RAB3B: variants seen among roughly 807,000 people sequenced by gnomAD.
The protein encoded by RAB3B is ras-related protein Rab-3B.
A neutral mutation model predicts 20.5 loss-of-function variants in RAB3B; 11 were observed. That is an observed-to-expected ratio of 0.54 (90% CI 0.34 to 0.89). The LOEUF (loss-of-function observed/expected upper bound fraction) is 0.89, where lower values mean the gene tolerates loss of function less well. Among genes scored for constraint, RAB3B ranks in the 40% least tolerant of loss-of-function variants. The pLI is 0.02. For synonymous variants in RAB3B, 99 were observed against 106.3 expected, an observed-to-expected ratio of 0.93 and a Z score of 0.42; for missense variants, 225 against 280.9, an observed-to-expected ratio of 0.80 and a Z score of 1.42.
At chr1:51,980,827 G>A (rs1685077856) in intron 1 of RAB3B, 1 of 739,008 alleles carries the variant, frequency 1.4e-6, no homozygotes, top group Non-Finnish European at 2.5e-6. Context: ...GTAAGGAGCT[G>A]AGTCCTTAAA....
At position 51,919,741 on chromosome 1, in the gene RAB3B, G is replaced by T. The variant is rs1176068674; in HGVS notation, c.*186C>A. On this transcript the variant is annotated 3_prime_UTR_variant, in exon 5 of 5. Coordinates refer to ENST00000371655, the MANE Select transcript of RAB3B (RefSeq NM_002867.4). ...ACCTGTTATGTTAGTCTAGTGCTGA[G>T]TATCTATTACTGGGACCATCTGCAG... 3 of 550,784 alleles carry T rather than the reference G, an allele frequency of 5.4e-6. No homozygotes were observed. The highest frequency in any genetic ancestry group is 3.2e-6 in the Non-Finnish European group (1 of 311,734). 34.1% of individuals were successfully genotyped at this position (550,784 alleles called of 1,614,324 possible).
At chr1:51,968,117 G>A (rs1016960487) in intron 2 of RAB3B, among the ~76,000 whole-genome samples, 1 of 152,152 alleles carries the variant, frequency 6.6e-6, no homozygotes, top group African/African-American at 2.4e-5. Flanking sequence ...GGCAGCCTCT[G>A]GAAGCTGGAA....
chr1:51,957,328 T>C (rs1377423367), intron 2 of RAB3B, among the ~76,000 whole-genome samples: 2 of 152,192 alleles, frequency 1.3e-5, no homozygotes, highest in Non-Finnish European at 2.9e-5. Flanking sequence ...AGAAGCCTCT[T>C]AAAATTACCC....
chr1:51,928,062 T>C (rs1684269034), intron 4 of RAB3B, among the ~76,000 whole-genome samples: 1 of 151,900 alleles, frequency 6.6e-6, no homozygotes, highest in Non-Finnish European at 1.5e-5. Context: ...CTCAACCAAG[T>C]CCCAGGAACT....
chr1:51,976,526 T>C (rs2124311402), intron 2 of RAB3B, among the ~76,000 whole-genome samples: 1 of 152,206 alleles, frequency 6.6e-6, no homozygotes, highest in East Asian at 1.9e-4. Flanking sequence ...GCTATTACAA[T>C]CCCCAAAGGA....
chr1:51,964,193 G>GTACT (rs1470503807), intron 2 of RAB3B, among the ~76,000 whole-genome samples: 2 of 152,064 alleles, frequency 1.3e-5, no homozygotes, highest in African/African-American at 4.8e-5. Context: ...GGTTATCAAT[G>GTACT]TACTCTATGT....
chr1:51,931,257 C>T (rs955880005), intron 4 of RAB3B, among the ~76,000 whole-genome samples: 1 of 152,148 alleles, frequency 6.6e-6, no homozygotes, highest in Non-Finnish European at 1.5e-5. Context: ...ATGCCCTTAA[C>T]TTTCTTCTTC....
intron 1 of RAB3B, among the ~76,000 whole-genome samples, chr1:51,988,148 C>T (rs143576988): frequency 1.3e-5 from 2 of 152,228 alleles, no homozygotes; most frequent in African/African-American, 4.8e-5. Flanking sequence ...ACTGTATATG[C>T]AATATAGCAG....
intron 2 of RAB3B, among the ~76,000 whole-genome samples, chr1:51,950,883 G>A (rs1684632154): frequency 6.6e-6 from 1 of 152,172 alleles, no homozygotes; most frequent in African/African-American, 2.4e-5. Context: ...GCTGAGAGCT[G>A]AGACATTATG....
chr1:51,957,327 T>C (rs963257153), intron 2 of RAB3B, among the ~76,000 whole-genome samples: 1 of 152,196 alleles, frequency 6.6e-6, no homozygotes, highest in Non-Finnish European at 1.5e-5. Flanking sequence ...AAGAAGCCTC[T>C]TAAAATTACC....
At chr1:51,946,678 A>ATGTTCTGAG (rs1684570077) in intron 2 of RAB3B, among the ~76,000 whole-genome samples, 1 of 152,170 alleles carries the variant, frequency 6.6e-6, no homozygotes, top group South Asian at 2.1e-4. Context: ...AACACCCACT[A>ATGTTCTGAG]TGTTCTGAGC....
intron 1 of RAB3B, among the ~76,000 whole-genome samples, chr1:51,988,056 T>G (rs1272068563): frequency 1.3e-5 from 2 of 152,088 alleles, no homozygotes; most frequent in African/African-American, 4.8e-5. Context: ...CATGGTATTT[T>G]TTTTAATCAG....
At chr1:51,946,546 T>C (rs1001355173) in intron 2 of RAB3B, among the ~76,000 whole-genome samples, 6 of 152,200 alleles carry the variant, frequency 3.9e-5, no homozygotes, top group Admixed American at 2.6e-4. Flanking sequence ...GCTCTTCATA[T>C]GGGCAGAGGA....
At chr1:51,935,668 G>A (rs1416140313) in intron 3 of RAB3B, among the ~76,000 whole-genome samples, 1 of 152,080 alleles carries the variant, frequency 6.6e-6, no homozygotes. Context: ...AAGGGAAGGG[G>A]GTCAAGGCCA....
chr1:51,955,022 A>G (rs1351345491), intron 2 of RAB3B, among the ~76,000 whole-genome samples: 1 of 152,224 alleles, frequency 6.6e-6, no homozygotes, highest in African/African-American at 2.4e-5. Flanking sequence ...GAAGACATTC[A>G]GTTAGTGTGT....
At chr1:51,925,629 T>C (rs1255691047) in intron 4 of RAB3B, among the ~76,000 whole-genome samples, 1 of 152,212 alleles carries the variant, frequency 6.6e-6, no homozygotes, top group Admixed American at 6.5e-5. Context: ...TAGCTACTAC[T>C]CCTAATCATC....
intron 4 of RAB3B, among the ~76,000 whole-genome samples, chr1:51,925,113 T>C (rs187707054): frequency 2.1e-4 from 32 of 152,306 alleles, no homozygotes; most frequent in Admixed American, 5.9e-4. Context: ...AGAATTCTAT[T>C]CAGAAACTTG....
intron 2 of RAB3B, among the ~76,000 whole-genome samples, chr1:51,965,449 C>T (rs1557973723): frequency 6.6e-6 from 1 of 152,004 alleles, no homozygotes; most frequent in Non-Finnish European, 1.5e-5. Flanking sequence ...GAGTTCGAGA[C>T]CAGCCTGGCC....
intron 4 of RAB3B, among the ~76,000 whole-genome samples, chr1:51,924,176 T>C (rs1410646539): frequency 6.6e-6 from 1 of 152,138 alleles, no homozygotes; most frequent in Admixed American, 6.6e-5. Context: ...TCATGAAAGC[T>C]CAGCTCAATG....
Sources: allele counts gnomAD v4.1 joint callset (sites outside exome capture counted in the v4.1 genomes callset), GRCh38; gene constraint gnomAD v4.1.1; transcripts MANE v1.5; gene names NCBI Gene and HGNC (gene_info 2026-07-23, HGNC 2026-07-21).